Variants in CTNNBL1 observed in about 807,000 individuals in gnomAD.
CTNNBL1 encodes the protein beta-catenin-like protein 1.
CTNNBL1 carries 31 observed loss-of-function variants against 72.7 expected under a neutral mutation model. The observed-to-expected ratio is 0.43, with a 90% CI of 0.32 to 0.58. The LOEUF is 0.58. Ranked by LOEUF, CTNNBL1 falls within the 20% of genes least tolerant of loss-of-function variation. The probability of loss-of-function intolerance (pLI) is 0.08; values close to 1 mark genes in which losing one functional copy is unlikely to be tolerated. For missense variants in CTNNBL1, 534 were observed against 725.1 expected (o/e 0.74, Z 3.03); for synonymous variants, 240 against 267.3 (o/e 0.90, Z 1.00).
intron 4 of CTNNBL1, among the ~76,000 whole-genome samples, chr20:37,752,519 C>T (rs2073328695): frequency 6.7e-6 from 1 of 149,762 alleles, no homozygotes; most frequent in Non-Finnish European, 1.5e-5. Flanking sequence ...TTTGAAATGA[C>T]TTTTAAAAAG....
chr20:37,706,125 C>T (rs998599535), intron 1 of CTNNBL1, among the ~76,000 whole-genome samples: 3 of 152,206 alleles, frequency 2.0e-5, no homozygotes, highest in African/African-American at 7.2e-5. Context: ...ATCATCTGAG[C>T]CTTCAGCAAG....
intron 11 of CTNNBL1, among the ~76,000 whole-genome samples, chr20:37,818,672 G>A (rs1359754519): frequency 6.6e-6 from 1 of 152,200 alleles, no homozygotes; most frequent in Non-Finnish European, 1.5e-5. Context: ...AATCCTGAAT[G>A]TTGAAATCCT....
chr20:37,870,500 T>C (rs1304913513), intron 15 of CTNNBL1, among the ~76,000 whole-genome samples: 2 of 152,150 alleles, frequency 1.3e-5, no homozygotes, highest in African/African-American at 2.4e-5. Flanking sequence ...GCAACATCCA[T>C]ATCTCTTTCT....
At chr20:37,862,425 T>TGTA (rs1282698810) in intron 15 of CTNNBL1, among the ~76,000 whole-genome samples, 1 of 152,160 alleles carries the variant, frequency 6.6e-6, no homozygotes, top group Non-Finnish European at 1.5e-5. Context: ...GGTGCTGACA[T>TGTA]GTAGTAGTAG....
At chr20:37,719,120 G>A (rs578210708) in intron 1 of CTNNBL1, among the ~76,000 whole-genome samples, 1 of 152,212 alleles carries the variant, frequency 6.6e-6, no homozygotes, top group South Asian at 2.1e-4. Context: ...ATATAGATAT[G>A]GCCCAGTGTG....
At chr20:37,841,475 G>A (rs4811197) in intron 12 of CTNNBL1, among the ~76,000 whole-genome samples, 124,144 of 152,138 alleles carry the variant, frequency 0.82, 50,706 homozygotes, top group Middle Eastern at 0.89. Flanking sequence ...CAACATTAAG[G>A]TCTTAGGGTC....
Position 37,765,226 on chromosome 20 carries a change from A to T in CTNNBL1, c.594A>T (p.Val198=). The change falls in exon 6 of 16, where the codon GTA becomes GTT. Residue 198 remains valine (V), a synonymous_variant. Coordinates refer to ENST00000361383, the MANE Select transcript of CTNNBL1 (RefSeq NM_030877.5). The part of the protein sequence containing the change: ...LVDGQVVALL[V]QNLERLDESV... ...ATGGGCAGGTGGTAGCACTGCTGGT[A>T]CAGAATCTGGAGCGCCTGGATGAGT... The T allele has an allele frequency of 6.4e-7, 1 of 1,551,514 alleles. No homozygotes were observed. Among genetic ancestry groups the T allele is most frequent in the Admixed American group, 2.0e-5 (1 of 51,002 alleles).
chr20:37,720,819 T>C (rs932685780), intron 1 of CTNNBL1, among the ~76,000 whole-genome samples: 7 of 152,226 alleles, frequency 4.6e-5, no homozygotes, highest in African/African-American at 1.4e-4. Flanking sequence ...AGATATTTGT[T>C]AGAAGCAAGG....
chr20:37,858,958 G>C (rs1482688657), intron 13 of CTNNBL1, among the ~76,000 whole-genome samples: 3 of 152,110 alleles, frequency 2.0e-5, no homozygotes, highest in Non-Finnish European at 4.4e-5. Flanking sequence ...GTGGAGAAAG[G>C]GGACCTTTCT....
At chr20:37,863,898 A>C (rs752727613) in intron 15 of CTNNBL1, among the ~76,000 whole-genome samples, 1 of 152,130 alleles carries the variant, frequency 6.6e-6, no homozygotes, top group Non-Finnish European at 1.5e-5. Flanking sequence ...CTCTAGATGG[A>C]AGGTTGTCAT....
intron 1 of CTNNBL1, among the ~76,000 whole-genome samples, chr20:37,707,949 A>AG: frequency 6.8e-6 from 1 of 147,574 alleles, no homozygotes; most frequent in Admixed American, 6.8e-5. Flanking sequence ...GAGAGAGAGA[A>AG]AGAGGAAAGG....
chr20:37,787,526 A>G (rs2073688290), intron 10 of CTNNBL1, among the ~76,000 whole-genome samples: 1 of 151,908 alleles, frequency 6.6e-6, no homozygotes, highest in African/African-American at 2.4e-5. Context: ...TTGTATTTTT[A>G]GTAGAGACGG....
At chr20:37,768,092 G>T (rs1475737854) in intron 7 of CTNNBL1, 48 bp downstream of exon 7, 2 of 1,482,694 alleles carry the variant, frequency 1.3e-6, no homozygotes, top group Non-Finnish European at 1.9e-6. Flanking sequence ...CTTTGCTCTG[G>T]GCTTGATTGA....
At chr20:37,724,209 AT>A (rs2073063910) in intron 1 of CTNNBL1, among the ~76,000 whole-genome samples, 1 of 152,228 alleles carries the variant, frequency 6.6e-6, no homozygotes, top group Non-Finnish European at 1.5e-5. Flanking sequence ...CTTTAAAATT[AT>A]GAAATTCCAA....
intron 11 of CTNNBL1, among the ~76,000 whole-genome samples, chr20:37,814,743 AAAACG>A (rs1488749650): frequency 2.6e-5 from 4 of 152,180 alleles, no homozygotes; most frequent in East Asian, 1.9e-4. Flanking sequence ...TGAAAGAAAA[AAAACG>A]GAGTAGGGGC....
intron 11 of CTNNBL1, among the ~76,000 whole-genome samples, 162 bp from the exon 12 acceptor site, chr20:37,839,940 C>T (rs1339864847): frequency 1.3e-5 from 2 of 152,090 alleles, no homozygotes; most frequent in African/African-American, 2.4e-5. Flanking sequence ...AAGATTGGTT[C>T]GGTTTTTTAG....
intron 3 of CTNNBL1, among the ~76,000 whole-genome samples, chr20:37,743,763 A>G (rs1296913644): frequency 2.6e-5 from 4 of 152,200 alleles, no homozygotes; most frequent in Non-Finnish European, 5.9e-5. Context: ...CACTTGGCCA[A>G]ACATTTGCAG....
rs182524669 is a variant in CTNNBL1, at chr20:37,734,681, T to G, written c.219+1614T>G. 1.5e-3 allele frequency among the ~76,000 whole-genome samples: 233 copies of G among 152,346 alleles called. 3 individuals are homozygous for G. The highest frequency in any genetic ancestry group is 5.3e-3 in the African/African-American group (221 of 41,580). On this transcript the variant is annotated intron_variant, in intron 2 of 15. Coordinates refer to ENST00000361383, the MANE Select transcript of CTNNBL1 (RefSeq NM_030877.5). ...GAAGTCCCATTTGATGAAAAACAAG[T>G]GATGTTTGCCCCTGTAAAGTCACGT... is the stretch of plus-strand genomic sequence containing the variant.
At chr20:37,831,191 T>C (rs1425384562) in intron 11 of CTNNBL1, among the ~76,000 whole-genome samples, 2 of 152,198 alleles carry the variant, frequency 1.3e-5, no homozygotes, top group Non-Finnish European at 2.9e-5. Context: ...AATGTTTTTC[T>C]TCTGTCTCAG....
Sources: gnomAD v4.1 joint callset for allele counts (sites outside exome capture counted in the v4.1 genomes callset) on GRCh38, gnomAD v4.1.1 for gene constraint, MANE v1.5 for transcripts, NCBI Gene and HGNC (gene_info 2026-07-23, HGNC 2026-07-21) for gene names.